CTNNA3: variants seen among roughly 807,000 people sequenced by gnomAD.
CTNNA3 encodes the protein catenin alpha-3.
CTNNA3 carries 76 observed loss-of-function variants against 95.7 expected under a neutral mutation model. The observed-to-expected ratio is 0.79, with a 90% CI of 0.66 to 0.96. The LOEUF (loss-of-function observed/expected upper bound fraction) is 0.96. Ranked by LOEUF, CTNNA3 falls within the 40% of genes least tolerant of loss-of-function variation. The pLI, the probability that CTNNA3 is intolerant of heterozygous loss-of-function variation, is 0.00. For missense variants in CTNNA3, 1,191 were observed against 1,089.8 expected, an observed-to-expected ratio of 1.09 and a Z score of -1.31; for synonymous variants, 431 against 374.4, an observed-to-expected ratio of 1.15 and a Z score of -1.74.
In CTNNA3 at chr10:66,039,959, C is replaced by G. The variant is rs189976334; in HGVS notation, c.2159+29349G>C. ...ACCTACAGAAGGGGAGAAAATTTTT[C>G]CAAACTCTGCATCTGACTAAGCTCT... On this transcript the variant is annotated intron_variant, in intron 15 of 17. Transcript: ENST00000433211. 1.2e-3 allele frequency among the ~76,000 whole-genome samples: 187 copies of G among 152,138 alleles called. 1 individual carries two copies. The highest frequency in any genetic ancestry group is 1.6e-3 in the Non-Finnish European group (109 of 67,982).
At position 65,912,946 on chromosome 10, in the gene CTNNA3, C is replaced by T. The variant is rs1051230136; in HGVS notation, c.*7384G>A. On this transcript the variant is annotated 3_prime_UTR_variant, in exon 18 of 18. Coordinates refer to ENST00000433211, the MANE Select transcript of CTNNA3 (RefSeq NM_013266.4). ...TTGAACTGGTCATTAATATAATGGG[C>T]AGTTCATTCAATCATATTCTGTCTC... 6.6e-6 allele frequency: 1 copy of T among 152,092 alleles called. No individual in the cohort carries two copies. 9.4% of individuals were successfully genotyped at this position (152,092 alleles called of 1,614,324 possible).
chr10:65,978,669 T>C (rs1431328827), intron 16 of CTNNA3, among the ~76,000 whole-genome samples: 2 of 152,152 alleles, frequency 1.3e-5, no homozygotes, highest in Non-Finnish European at 2.9e-5. Context: ...TTAACACATT[T>C]ATCTCTCAGC....
intron 13 of CTNNA3, among the ~76,000 whole-genome samples, chr10:66,226,289 C>T (rs932423407): frequency 2.6e-5 from 4 of 152,084 alleles, no homozygotes; most frequent in Non-Finnish European, 4.4e-5. Context: ...GGTTTGTCAG[C>T]ACCATTTATT....
chr10:66,463,713 C>G (rs1393565257), intron 11 of CTNNA3, among the ~76,000 whole-genome samples: 1 of 151,968 alleles, frequency 6.6e-6, no homozygotes, highest in Non-Finnish European at 1.5e-5. Context: ...ATGAAATAAT[C>G]CCCTATACTG....
intron 11 of CTNNA3, among the ~76,000 whole-genome samples, chr10:66,446,801 C>A (rs1179375701): frequency 2.0e-5 from 3 of 152,050 alleles, no homozygotes; most frequent in Non-Finnish European, 2.9e-5. Flanking sequence ...TCCTATTCAA[C>A]ATAGTGTTGG....
intron 9 of CTNNA3, among the ~76,000 whole-genome samples, chr10:66,648,936 A>T (rs374426723): frequency 5.9e-4 from 90 of 152,280 alleles, no homozygotes; most frequent in African/African-American, 2.0e-3. Context: ...AGAAATAGAT[A>T]AGCTTGTTCT....
intron 9 of CTNNA3, among the ~76,000 whole-genome samples, chr10:66,700,065 T>C (rs1847895279): frequency 6.6e-6 from 1 of 152,186 alleles, no homozygotes; most frequent in Non-Finnish European, 1.5e-5. Context: ...CCTTGTCAGA[T>C]AGTTTGCAAA....
chr10:66,735,790 C>T (rs1042527242), intron 9 of CTNNA3, among the ~76,000 whole-genome samples: 21 of 152,190 alleles, frequency 1.4e-4, no homozygotes, highest in African/African-American at 4.8e-4. Context: ...TTAGCTCTCA[C>T]TCTTGCCATG....
intron 12 of CTNNA3, among the ~76,000 whole-genome samples, chr10:66,300,753 AGC>A (rs2091850003): frequency 6.6e-6 from 1 of 152,116 alleles, no homozygotes; most frequent in Non-Finnish European, 1.5e-5. Flanking sequence ...CTATAACCTA[AGC>A]TTCTACTTTA....
chr10:66,778,801 C>T (rs1033007848), intron 7 of CTNNA3, among the ~76,000 whole-genome samples: 2 of 152,024 alleles, frequency 1.3e-5, no homozygotes, highest in Non-Finnish European at 2.9e-5. Flanking sequence ...CATGGTGAAA[C>T]ACCATCTTTA....
At chr10:67,741,734 C>T (rs1295075626) in intron 1 of CTNNA3, among the ~76,000 whole-genome samples, 1 of 151,026 alleles carries the variant, frequency 6.6e-6, no homozygotes, top group African/African-American at 2.4e-5. Context: ...GAGTCAAGAC[C>T]CATCAGTGTG....
At chr10:67,162,688 C>T (rs933665800) in intron 7 of CTNNA3, among the ~76,000 whole-genome samples, 2 of 151,234 alleles carry the variant, frequency 1.3e-5, no homozygotes, top group Non-Finnish European at 3.0e-5. Flanking sequence ...AAATGAAAAT[C>T]GAGAAATTCA....
intron 5 of CTNNA3, among the ~76,000 whole-genome samples, chr10:67,365,013 G>C (rs1843153571): frequency 6.6e-6 from 1 of 152,128 alleles, no homozygotes; most frequent in South Asian, 2.1e-4. Flanking sequence ...CATGGTACTG[G>C]TACCAAAACA....
Position 66,446,411 on chromosome 10 carries a change from T to C in CTNNA3, c.1532-67059A>G, listed in dbSNP as rs926260705. Among the ~76,000 whole-genome samples the C allele has an allele frequency of 3.2e-3, 487 of 152,136 alleles. 4 individuals are homozygous for C. Among genetic ancestry groups the C allele is most frequent in the African/African-American group, 0.011 (465 of 41,436 alleles). On this transcript the variant is annotated intron_variant, in intron 11 of 17. Transcript: ENST00000433211. ...GACCAATATCCTTGATGAACATTGA[T>C]GCAAAAATCCTCAATAAAATACTGG...
intron 12 of CTNNA3, among the ~76,000 whole-genome samples, chr10:66,307,226 A>G (rs2091947254): frequency 6.6e-6 from 1 of 152,174 alleles, no homozygotes; most frequent in African/African-American, 2.4e-5. Context: ...TTTACATGTG[A>G]TTTTCATATA....
intron 5 of CTNNA3, among the ~76,000 whole-genome samples, chr10:67,383,464 G>C (rs1437919763): frequency 1.3e-5 from 2 of 152,154 alleles, no homozygotes; most frequent in African/African-American, 4.8e-5. Context: ...GTTGGGACTT[G>C]AACTCATTTG....
chr10:67,174,441 A>C (rs183382398), intron 7 of CTNNA3, among the ~76,000 whole-genome samples: 9 of 152,300 alleles, frequency 5.9e-5, no homozygotes, highest in East Asian at 5.8e-4. Context: ...ACGTGACACC[A>C]AACTTAACTT....
intron 3 of CTNNA3, among the ~76,000 whole-genome samples, chr10:67,574,389 A>AT (rs912847906): frequency 6.6e-6 from 1 of 151,694 alleles, no homozygotes; most frequent in Non-Finnish European, 1.5e-5. Flanking sequence ...AATTTGAATT[A>AT]TTTTTTGTTT....
intron 17 of CTNNA3, among the ~76,000 whole-genome samples, chr10:65,933,731 A>G (rs375066412): frequency 2.0e-5 from 3 of 152,278 alleles, no homozygotes; most frequent in African/African-American, 7.2e-5. Flanking sequence ...TAAGTTTTCA[A>G]TTCATTTTCA....
Sources: gnomAD v4.1 joint callset for allele counts (sites outside exome capture counted in the v4.1 genomes callset) on GRCh38, gnomAD v4.1.1 for gene constraint, MANE v1.5 for transcripts, NCBI Gene and HGNC (gene_info 2026-07-23, HGNC 2026-07-21) for gene names.